Variants in FER observed in about 807,000 individuals in gnomAD.
The protein encoded by FER is FER tyrosine kinase.
A neutral mutation model predicts 111.0 loss-of-function variants in FER; 63 were observed. The observed-to-expected ratio is 0.57, with a 90% CI of 0.46 to 0.70. The LOEUF (loss-of-function observed/expected upper bound fraction) is 0.70, where lower values mean the gene tolerates loss of function less well. Among genes scored for constraint, FER ranks in the 30% least tolerant of loss-of-function variants. FER has a pLI of 0.00. For missense variants in FER, 914 were observed against 954.0 expected (o/e 0.96, Z 0.55); for synonymous variants, 327 against 313.9 (o/e 1.04, Z -0.44).
chr5:109,001,444 T>G (rs575181592), intron 13 of FER, among the ~76,000 whole-genome samples: 1 of 152,168 alleles, frequency 6.6e-6, no homozygotes, highest in African/African-American at 2.4e-5. Flanking sequence ...CCATTCATGC[T>G]AAAAACTCTC....
chr5:109,064,461 A>G (rs982453034), intron 16 of FER, among the ~76,000 whole-genome samples: 14 of 152,204 alleles, frequency 9.2e-5, no homozygotes, highest in African/African-American at 3.1e-4. Context: ...CCTGTAAAGA[A>G]AATATATCTA....
intron 13 of FER, among the ~76,000 whole-genome samples, chr5:108,997,221 C>T (rs181625882): frequency 1.6e-4 from 23 of 144,896 alleles, no homozygotes; most frequent in African/African-American, 4.2e-4. Flanking sequence ...CTGGCTAACA[C>T]GGTGAAACCC....
intron 2 of FER, among the ~76,000 whole-genome samples, chr5:108,771,338 C>CATTTTATCCTTAAACAA (rs1269900791): frequency 1.3e-5 from 2 of 152,166 alleles, no homozygotes; most frequent in Non-Finnish European, 1.5e-5. Context: ...TATCCTTAAA[C>CATTTTATCCTTAAACAA]AGTTCTATTT....
Position 108,789,278 on chromosome 5 carries a change from A to G in FER, c.-59-8846A>G, listed in dbSNP as rs142681405. Among the ~76,000 whole-genome samples, 404 of 152,342 alleles carry G rather than the reference A, an allele frequency of 2.7e-3. 1 individual carries two copies. Among genetic ancestry groups the G allele is most frequent in the African/African-American group, 9.3e-3 (387 of 41,582 alleles). On this transcript the variant is annotated intron_variant, in intron 2 of 19. Transcript: ENST00000281092. Reference sequence around the variant, plus strand: ...TTTGGGCTTTATTGGTTTCTTGAGCAGAGGACTAGCAGAAGATAAATTGGC... The same window carrying G: ...TTTGGGCTTTATTGGTTTCTTGAGCGGAGGACTAGCAGAAGATAAATTGGC...
chr5:109,128,149 T>C (rs1353265743), intron 17 of FER, among the ~76,000 whole-genome samples: 2 of 152,076 alleles, frequency 1.3e-5, no homozygotes, highest in Non-Finnish European at 2.9e-5. Context: ...GAAAAAGAAA[T>C]ATATTTTCCT....
chr5:108,820,184 T>G, intron 3 of FER: 1 of 985,430 alleles, frequency 1.0e-6, no homozygotes, highest in African/African-American at 1.7e-5. Context: ...CTACTAGAGC[T>G]GGATCAACAA....
At chr5:108,797,442 G>A (rs768748304) in intron 2 of FER, among the ~76,000 whole-genome samples, 1 of 152,170 alleles carries the variant, frequency 6.6e-6, no homozygotes, top group African/African-American at 2.4e-5. Context: ...CTCTGGCTAT[G>A]GCTGGTCTAA....
intron 3 of FER, among the ~76,000 whole-genome samples, chr5:108,807,660 A>G (rs745910320): frequency 2.6e-5 from 4 of 152,038 alleles, no homozygotes; most frequent in Non-Finnish European, 4.4e-5. Flanking sequence ...TTCTTTTGCT[A>G]TCTTTAGGGT....
At chr5:108,888,267 A>G (rs1581061226) in intron 9 of FER, among the ~76,000 whole-genome samples, 2 of 151,988 alleles carry the variant, frequency 1.3e-5, no homozygotes, top group East Asian at 3.9e-4. Flanking sequence ...AATTCATTCA[A>G]CAATGTTGAT....
At chr5:108,997,505 CT>C (rs1764151313) in intron 13 of FER, among the ~76,000 whole-genome samples, 1 of 151,810 alleles carries the variant, frequency 6.6e-6, no homozygotes, top group Non-Finnish European at 1.5e-5. Context: ...GAAAATTTGA[CT>C]TTCTCTTTTC....
At chr5:109,054,068 G>T (rs920282170) in intron 16 of FER, among the ~76,000 whole-genome samples, 1 of 152,038 alleles carries the variant, frequency 6.6e-6, no homozygotes, top group Non-Finnish European at 1.5e-5. Context: ...CCAGTTTGGG[G>T]CTACTCTAAA....
intron 17 of FER, among the ~76,000 whole-genome samples, chr5:109,101,758 G>A (rs1252546737): frequency 6.6e-6 from 1 of 152,038 alleles, no homozygotes; most frequent in Non-Finnish European, 1.5e-5. Context: ...GATAAAAATT[G>A]TACTACCATT....
chr5:108,984,752 G>C (rs1010826563), intron 13 of FER, among the ~76,000 whole-genome samples: 1 of 151,940 alleles, frequency 6.6e-6, no homozygotes, highest in African/African-American at 2.4e-5. Flanking sequence ...AAAATCAATT[G>C]GAAAGGGAAT....
At chr5:109,035,272 A>G (rs944934180) in intron 13 of FER, among the ~76,000 whole-genome samples, 4 of 151,978 alleles carry the variant, frequency 2.6e-5, no homozygotes, top group African/African-American at 9.7e-5. Context: ...ACCCCCCGCA[A>G]AGTTGCTTCT....
intron 13 of FER, among the ~76,000 whole-genome samples, chr5:108,986,205 A>G (rs1270106324): frequency 6.6e-6 from 1 of 151,662 alleles, no homozygotes; most frequent in African/African-American, 2.4e-5. Context: ...TGAGCATTTC[A>G]TCAAATATTT....
chr5:108,829,472 T>C (rs937030361), intron 3 of FER, among the ~76,000 whole-genome samples: 8 of 152,130 alleles, frequency 5.3e-5, no homozygotes, highest in Admixed American at 5.2e-4. Flanking sequence ...ACCTTGTCTC[T>C]ACTAAAAATC....
At position 108,832,956 on chromosome 5, in the gene FER, A is replaced by G. The variant is rs1215889980; in HGVS notation, c.381+13A>G. ...AGAGATGATCAAGGTTCGTTTTTCCATATTGAAGTTCTTTCTTGAAATTGT... is the reference window on the plus strand; with the variant it reads ...AGAGATGATCAAGGTTCGTTTTTCCGTATTGAAGTTCTTTCTTGAAATTGT... On this transcript the variant is annotated intron_variant, in intron 4 of 19. Transcript: ENST00000281092. 3 of 1,525,072 alleles carry G rather than the reference A, an allele frequency of 2.0e-6. No individual in the cohort carries two copies. Among genetic ancestry groups the G allele is most frequent in the African/African-American group, 1.4e-5 (1 of 71,226 alleles). 94.5% of individuals were successfully genotyped at this position (1,525,072 alleles called of 1,614,324 possible).
intron 9 of FER, among the ~76,000 whole-genome samples, chr5:108,889,820 GA>G (rs912185653): frequency 6.6e-6 from 1 of 151,688 alleles, no homozygotes; most frequent in African/African-American, 2.4e-5. Context: ...AATAAAAAAT[GA>G]AAAAATTCCT....
Position 109,180,901 on chromosome 5 carries a change from G to C in FER, c.2203G>C (p.Gly735Arg), listed in dbSNP as rs1265061795. The C allele has an allele frequency of 6.3e-7, 1 of 1,593,976 alleles. No individual in the cohort carries two copies. The highest frequency in any genetic ancestry group is 1.8e-5 in the Admixed American group (1 of 54,732). The change falls in exon 18 of 20, where the codon GGG becomes CGG. Residue 735 changes from glycine (G) to arginine (R), a missense_variant and splice_region_variant. Transcript: ENST00000281092. ...KWTAPEALNYGRYSSESDVWS... is the reference protein window; with the variant it reads ...KWTAPEALNYRRYSSESDVWS... ...GACAGCACCGGAAGCTCTTAATTAT[G>C]GTAAGAATAGACCACATTTTTTTTT...
Sources: allele counts gnomAD v4.1 joint callset (sites outside exome capture counted in the v4.1 genomes callset), GRCh38; gene constraint gnomAD v4.1.1; transcripts MANE v1.5; gene names NCBI Gene and HGNC (gene_info 2026-07-23, HGNC 2026-07-21).